FAM217B: variants seen among roughly 807,000 people sequenced by gnomAD.
FAM217B encodes protein FAM217B.
For missense variants in FAM217B, 463 were observed against 456.9 expected, an observed-to-expected ratio of 1.01 and a Z score of -0.12; for synonymous variants, 163 against 173.0, an observed-to-expected ratio of 0.94 and a Z score of 0.45.
In FAM217B at chr20:59,944,340, C is replaced by T; in HGVS notation, c.397C>T (p.Gln133Ter). 6.2e-7 allele frequency: 1 copy of T among 1,614,104 alleles called. No individual in the cohort carries two copies. The highest frequency in any genetic ancestry group is 8.5e-7 in the Non-Finnish European group (1 of 1,180,020). The change falls in exon 4 of 4, where the codon CAG becomes TAG. Residue 133 changes from glutamine to a stop codon, truncating the protein, a stop_gained. Transcript: ENST00000360816. LOFTEE classifies it low-confidence loss of function (END_TRUNC). ...AGTTTACTTTGATCTTCACCCTGGT[C>T]AGGGCCATACAAAACCTGAATACTA... ...DPVYFDLHPG[Q>*]GHTKPEYYYP...
chr20:59,935,400 T>C (rs2060855577), upstream of FAM217B, among the ~76,000 whole-genome samples: 1 of 152,150 alleles, frequency 6.6e-6, no homozygotes, highest in East Asian at 1.9e-4. Context: ...AAAAAGGATA[T>C]CATTAATTTT....
At chr20:59,943,744 CAAAT>C (rs1366336794) in intron 3 of FAM217B, among the ~76,000 whole-genome samples, 192 bp from the exon 4 acceptor site, 1 of 151,938 alleles carries the variant, frequency 6.6e-6, no homozygotes, top group African/African-American at 2.4e-5. Context: ...TAATGTATCT[CAAAT>C]AGAGTATTAT....
intron 3 of FAM217B, 115 bp downstream of exon 3, chr20:59,942,627 T>C (rs1366960389): frequency 1.3e-5 from 2 of 152,324 alleles, no homozygotes; most frequent in Admixed American, 6.5e-5. Flanking sequence ...AATATACATT[T>C]ATAATTTTTT....
chr20:59,937,715 C>T (rs2060870683), upstream of FAM217B: 1 of 151,874 alleles, frequency 6.6e-6, no homozygotes, highest in Admixed American at 6.6e-5. Context: ...TGTCAGACCA[C>T]TGTTCAGCAC....
upstream of FAM217B, chr20:59,937,304 A>T (rs568083386): frequency 1.1e-4 from 17 of 152,784 alleles, no homozygotes; most frequent in African/African-American, 4.1e-4. Flanking sequence ...CAGTTTGTTA[A>T]ATAGCAGGAA....
Position 59,947,912 on chromosome 20 carries a change from A to T in FAM217B, c.*2817A>T, listed in dbSNP as rs1486462528. ...GAACTCATTCAATTCATCAAGTCAA[A>T]AGCACTGAGTGTTTTGCTAGTCTAG... On this transcript the variant is annotated 3_prime_UTR_variant, in exon 4 of 4. Coordinates refer to ENST00000360816, the MANE Select transcript of FAM217B (RefSeq NM_022106.3). 6.0e-6 allele frequency: 1 copy of T among 167,056 alleles called. No homozygotes were observed. Among genetic ancestry groups the T allele is most frequent in the East Asian group, 1.9e-4 (1 of 5,206 alleles). 10.3% of individuals were successfully genotyped at this position (167,056 alleles called of 1,614,324 possible).
chr20:59,936,458 C>T (rs191554891), upstream of FAM217B, among the ~76,000 whole-genome samples: 533 of 152,322 alleles, frequency 3.5e-3, 3 homozygotes, highest in African/African-American at 0.011. Flanking sequence ...AGACTTTGTA[C>T]TTAGGTGAGG....
rs756964508 is a variant in FAM217B at position 59,944,104 on chromosome 20, C to T, written c.161C>T (p.Pro54Leu). 8.1e-6 allele frequency: 13 copies of T among 1,613,950 alleles called. No individual in the cohort carries two copies. The highest frequency in any genetic ancestry group is 5.0e-5 in the Admixed American group (3 of 59,980). ...TEEKLKESISPEARRKRNPLG... is the reference protein window; with the variant it reads ...TEEKLKESISLEARRKRNPLG... ...GAAAAACTTAAAGAAAGCATTTCCC[C>T]GGAAGCAAGACGCAAAAGGAATCCA... The change falls in exon 4 of 4, where the codon CCG (proline) becomes CTG (leucine). Residue 54 changes from proline (P) to leucine (L), a missense_variant. Coordinates refer to ENST00000360816, the MANE Select transcript of FAM217B (RefSeq NM_022106.3).
upstream of FAM217B, chr20:59,938,891 AG>A: frequency 1.3e-6 from 1 of 782,332 alleles, no homozygotes; most frequent in Non-Finnish European, 1.8e-6. Flanking sequence ...GGCCACTGCC[AG>A]GGGACCTTGC....
chr20:59,944,395 G>C lies in FAM217B; in HGVS notation c.452G>C (p.Ser151Thr), dbSNP rs1171370059. Residue 151 changes from serine to threonine, a missense_variant, in exon 4 of 4, where the codon AGC (serine) becomes ACC (threonine). Ser to Thr is a moderately conservative substitution (Grantham distance 58, BLOSUM62 1). Coordinates refer to ENST00000360816, the MANE Select transcript of FAM217B (RefSeq NM_022106.3). ...CCTAATTTCCTTCCATCCCCTTTCA[G>C]CTCCTGGGACCTACGAGATATGGCC... ...YYPNFLPSPF[S>T]SWDLRDMALL... 1 of 1,613,908 alleles carries C rather than the reference G, an allele frequency of 6.2e-7. No individual in the cohort carries two copies. Among genetic ancestry groups the C allele is most frequent in the Non-Finnish European group, 8.5e-7 (1 of 1,179,996 alleles).
In FAM217B at chr20:59,944,570, C is replaced by A. The variant is rs1468940756; in HGVS notation, c.627C>A (p.Pro209=). The change falls in exon 4 of 4, where the codon CCC becomes CCA. Residue 209 remains proline, a synonymous_variant. Transcript: ENST00000360816. ...EKAKGGKARP[P]TAPGTSGALK... ...CAAAGGGGGGCAAAGCAAGGCCCCC[C>A]ACTGCCCCTGGGACCTCAGGGGCAC... 6.2e-7 allele frequency: 1 copy of A among 1,614,036 alleles called. No homozygotes were observed. The highest frequency in any genetic ancestry group is 2.2e-5 in the East Asian group (1 of 44,864).
rs764126054 is a variant in FAM217B, at chr20:59,944,142, T to C, written c.199T>C (p.Cys67Arg). Residue 67 changes from cysteine to arginine, a missense_variant, in exon 4 of 4, where the codon TGT (cysteine) becomes CGT (arginine). Cys to Arg is a radical substitution (Grantham distance 180). Coordinates refer to ENST00000360816, the MANE Select transcript of FAM217B (RefSeq NM_022106.3). Reference protein sequence around the residue: ...RRKRNPLGSRCQGASGNKLFL... With the variant: ...RRKRNPLGSRRQGASGNKLFL... Reference sequence around the variant, plus strand: ...CAAAAGGAATCCACTCGGTTCCAGGTGTCAGGGGGCCTCAGGGAATAAACT... The same window carrying C: ...CAAAAGGAATCCACTCGGTTCCAGGCGTCAGGGGGCCTCAGGGAATAAACT... 3.7e-6 allele frequency: 6 copies of C among 1,614,034 alleles called. No homozygotes were observed. In the Admixed American group the frequency reaches 1.0e-4, roughly 27 times the overall value.
At position 59,944,084 on chromosome 20, in the gene FAM217B, A is replaced by G. The variant is rs2060921051; in HGVS notation, c.141A>G (p.Lys47=). 2 of 1,614,140 alleles carry G rather than the reference A, an allele frequency of 1.2e-6. No homozygotes were observed. Among genetic ancestry groups the G allele is most frequent in the Non-Finnish European group, 1.7e-6 (2 of 1,180,020 alleles). Residue 47 remains lysine (K), a synonymous_variant, in exon 4 of 4, where the codon AAA becomes AAG. Transcript: ENST00000360816. ...CTGTCACCCAGCCTACTGAAGAAAAACTTAAAGAAAGCATTTCCCCGGAAG... is the reference window on the plus strand; with the variant it reads ...CTGTCACCCAGCCTACTGAAGAAAAGCTTAAAGAAAGCATTTCCCCGGAAG... ...LTAVTQPTEE[K]LKESISPEAR...
At position 59,947,718 on chromosome 20, in the gene FAM217B, A is replaced by G. The variant is rs1300898350; in HGVS notation, c.*2623A>G. On this transcript the variant is annotated 3_prime_UTR_variant, in exon 4 of 4. Transcript: ENST00000360816. ...TTGTCACGACTAGATCATAGCTCCTAGTGAATAACATGAGGTGTTTTAAAG... is the reference window on the plus strand; with the variant it reads ...TTGTCACGACTAGATCATAGCTCCTGGTGAATAACATGAGGTGTTTTAAAG... The G allele has an allele frequency of 6.0e-6, 1 of 167,084 alleles. No homozygotes were observed. The highest frequency in any genetic ancestry group is 6.5e-5 in the Admixed American group (1 of 15,284). The allele number at this position is 167,084 out of a possible 1,614,324, so 10.4% of individuals were successfully genotyped here. A position where few individuals can be genotyped will look rare whatever the true frequency, so the allele number is the denominator to read the frequency against.
At chr20:59,934,118 G>A (rs946707869) in intron 1 of FAM217B, among the ~76,000 whole-genome samples, 1 of 152,128 alleles carries the variant, frequency 6.6e-6, no homozygotes, top group Admixed American at 6.5e-5. Context: ...GAGCTGGACC[G>A]GGGGACCAGG....
chr20:59,934,485 CG>C (rs971121557), intron 1 of FAM217B, among the ~76,000 whole-genome samples: 2 of 152,168 alleles, frequency 1.3e-5, no homozygotes, highest in Non-Finnish European at 2.9e-5. Context: ...AACTGTTCCA[CG>C]TGCACTGAGA....
In FAM217B at chr20:59,944,183, G is replaced by C. The variant is rs1253084865; in HGVS notation, c.240G>C (p.Gln80His). 1 of 1,614,118 alleles carries C rather than the reference G, an allele frequency of 6.2e-7. No homozygotes were observed. Among genetic ancestry groups the C allele is most frequent in the South Asian group, 1.1e-5 (1 of 91,066 alleles). ...ASGNKLFLDF[Q>H]SMKIIKENAD... ...GGAATAAACTGTTTCTTGATTTTCA[G>C]TCAATGAAAATTATTAAAGAGAATG... Residue 80 changes from glutamine to histidine, a missense_variant, in exon 4 of 4, where the codon CAG (glutamine) becomes CAC (histidine). By Grantham distance (24) the Gln-to-His change is conservative (BLOSUM62 0). Transcript: ENST00000360816.
In FAM217B at chr20:59,944,499, A is replaced by C; in HGVS notation, c.556A>C (p.Ile186Leu). 3 of 1,614,046 alleles carry C rather than the reference A, an allele frequency of 1.9e-6. No individual in the cohort carries two copies. The highest frequency in any genetic ancestry group is 2.5e-6 in the Non-Finnish European group (3 of 1,180,004). ...GLLGKYIDRL[I>L]QLEWLQVQTV... ...TCTTGGGAAGTATATCGATAGACTT[A>C]TTCAGCTTGAGTGGCTGCAAGTCCA... The change falls in exon 4 of 4, where the codon ATT becomes CTT. Residue 186 changes from isoleucine (I) to leucine (L), a missense_variant. By Grantham distance (5) the Ile-to-Leu change is conservative (BLOSUM62 2). Transcript: ENST00000360816.
At chr20:59,938,818 C>T (rs1184159302), upstream of FAM217B, 5 of 421,202 alleles carry the variant, frequency 1.2e-5, no homozygotes, top group Non-Finnish European at 2.0e-5. Context: ...ACTCGGCCTT[C>T]TGGCCACCTG....
Sources: allele counts gnomAD v4.1 joint callset (sites outside exome capture counted in the v4.1 genomes callset), GRCh38; gene constraint gnomAD v4.1.1; transcripts MANE v1.5; gene names NCBI Gene and HGNC (gene_info 2026-07-23, HGNC 2026-07-21).